The following GBA1 variants were observed in gnomAD, a reference collection of about 807,000 sequenced individuals.
GBA1 encodes lysosomal acid glucosylceramidase.
chr1:155,235,676 C>A, the GBA1 span: 1 of 1,594,900 alleles, frequency 6.3e-7, no homozygotes, highest in African/African-American at 1.3e-5. Context: ...CCGCCCTCCA[C>A]TCACCTGAAG....
the GBA1 span, chr1:155,240,633 A>T: frequency 6.2e-7 from 1 of 1,613,180 alleles, no homozygotes; most frequent in Non-Finnish European, 8.5e-7. Flanking sequence ...CACTCACCTG[A>T]TGCCCACGAC....
chr1:155,235,234 A>G, the GBA1 span: 2 of 1,613,726 alleles, frequency 1.2e-6, no homozygotes, highest in Non-Finnish European at 1.7e-6. Context: ...ATCGGGATGC[A>G]TCAGTGCCAC....
chr1:155,240,090 G>A, the GBA1 span: 2 of 1,611,558 alleles, frequency 1.2e-6, no homozygotes, highest in Non-Finnish European at 8.5e-7. Flanking sequence ...GGGAGGGAGG[G>A]AGTACAAGCA....
chr1:155,235,411 A>G, the GBA1 span: 6 of 1,560,046 alleles, frequency 3.8e-6, no homozygotes, highest in African/African-American at 6.8e-5. Context: ...TAACTCCTGC[A>G]GAGGCTCTGC....
the GBA1 span, chr1:155,239,739 CT>C: frequency 5.0e-6 from 8 of 1,614,032 alleles, no homozygotes; most frequent in Non-Finnish European, 5.1e-6. Flanking sequence ...AACTTCTGTT[CT>C]GGCTGCAGGG....
chr1:155,239,965 G>A, the GBA1 span: 21 of 1,614,030 alleles, frequency 1.3e-5, no homozygotes, highest in Non-Finnish European at 1.8e-5. Context: ...CATAGCGGCT[G>A]AAGGTACCAA....
chr1:155,238,791 G>A, the GBA1 span: 1 of 1,341,986 alleles, frequency 7.5e-7, no homozygotes, highest in Non-Finnish European at 1.1e-6. Context: ...TGTGGAGGCT[G>A]GCACCTGGGT....
At chr1:155,241,096 G>A in the GBA1 span, 1 of 1,613,908 alleles carries the variant, frequency 6.2e-7, no homozygotes, top group Non-Finnish European at 8.5e-7. Flanking sequence ...CTCTCTGGAA[G>A]GACTTGAAAA....
the GBA1 span, among the ~76,000 whole-genome samples, chr1:155,237,175 A>G: frequency 2.6e-5 from 4 of 152,032 alleles, no homozygotes; most frequent in Non-Finnish European, 5.9e-5. Context: ...CAGCCCCTAG[A>G]AAGGTTTCAA....
the GBA1 span, chr1:155,240,295 C>T: frequency 1.6e-6 from 1 of 607,064 alleles, no homozygotes; most frequent in Non-Finnish European, 2.9e-6. Context: ...GAAACCCCGT[C>T]TCTACTAAAA....
At chr1:155,236,459 T>C in the GBA1 span, 1 of 1,613,854 alleles carries the variant, frequency 6.2e-7, no homozygotes, top group Non-Finnish European at 8.5e-7. Context: ...TGCTTCTGGG[T>C]CTGTCAGTAC....
chr1:155,237,902 T>G, the GBA1 span: 2 of 611,512 alleles, frequency 3.3e-6, no homozygotes, highest in Middle Eastern at 4.5e-4. Context: ...AGACTCCTTC[T>G]CAAAAAAAAA....
the GBA1 span, chr1:155,235,847 A>T: frequency 6.2e-7 from 1 of 1,614,238 alleles, no homozygotes; most frequent in Non-Finnish European, 8.5e-7. Context: ...AGGAGGTTCT[A>T]GGGTAAGGAC....
chr1:155,236,123 A>G, the GBA1 span: 2 of 883,880 alleles, frequency 2.3e-6, no homozygotes, highest in Non-Finnish European at 3.7e-6. Flanking sequence ...GGTTCCCCAG[A>G]GTTGCTCAAA....
At chr1:155,244,519 A>ATCT in the GBA1 span, 2 of 152,244 alleles carry the variant, frequency 1.3e-5, no homozygotes, top group African/African-American at 4.8e-5. Flanking sequence ...CGGCGAAGAG[A>ATCT]AACAGCAGCC....
the GBA1 span, chr1:155,241,105 A>G: frequency 1.2e-6 from 2 of 1,613,966 alleles, no homozygotes; most frequent in South Asian, 1.1e-5. Context: ...AGGACTTGAA[A>G]ACTCCATCCC....
the GBA1 span, among the ~76,000 whole-genome samples, chr1:155,240,928 C>A: frequency 9.2e-5 from 14 of 152,208 alleles, no homozygotes; most frequent in Admixed American, 8.5e-4. Flanking sequence ...CCCCACCACT[C>A]TTCCCACCCA....
the GBA1 span, among the ~76,000 whole-genome samples, chr1:155,243,898 C>T: frequency 6.6e-6 from 1 of 152,104 alleles, no homozygotes; most frequent in South Asian, 2.1e-4. Flanking sequence ...CCAGTCCATC[C>T]TGGCACCCAT....
the GBA1 span, chr1:155,239,968 GGTA>G: frequency 3.3e-5 from 53 of 1,613,992 alleles, no homozygotes; most frequent in African/African-American, 5.5e-4. Context: ...AGCGGCTGAA[GGTA>G]CCAAGGGCAG....
Sources: gnomAD v4.1 joint callset for allele counts (sites outside exome capture counted in the v4.1 genomes callset) on GRCh38, gnomAD v4.1.1 for gene constraint, MANE v1.5 for transcripts, NCBI Gene and HGNC (gene_info 2026-07-23, HGNC 2026-07-21) for gene names.